GALNT1: variants seen among roughly 807,000 people sequenced by gnomAD.
The protein encoded by GALNT1 is polypeptide N-acetylgalactosaminyltransferase 1, also known as GalNAc transferase 1.
A neutral mutation model predicts 65.7 loss-of-function variants in GALNT1; 17 were observed. The ratio of observed to expected loss-of-function variants is 0.26; its 90% CI spans 0.18 to 0.39. GALNT1 has a LOEUF of 0.39. Ranked by LOEUF, GALNT1 falls within the 10% of genes least tolerant of loss-of-function variation. GALNT1 has a pLI of 1.00. For synonymous variants in GALNT1, 210 were observed against 219.7 expected, an observed-to-expected ratio of 0.96 and a Z score of 0.39; for missense variants, 460 against 672.8, an observed-to-expected ratio of 0.68 and a Z score of 3.50.
chr18:35,611,364 C>A (rs557532916), intron 1 of GALNT1, among the ~76,000 whole-genome samples: 5 of 152,310 alleles, frequency 3.3e-5, no homozygotes, highest in African/African-American at 1.2e-4. Flanking sequence ...GTTGAACATA[C>A]TGCAGAGACT....
intron 1 of GALNT1, among the ~76,000 whole-genome samples, chr18:35,641,715 C>T (rs2144301158): frequency 6.6e-6 from 1 of 152,238 alleles, no homozygotes. Flanking sequence ...ACACATCCAC[C>T]ACGTGCAGTG....
intron 1 of GALNT1, among the ~76,000 whole-genome samples, chr18:35,616,420 G>A (rs376520834): frequency 1.3e-5 from 2 of 152,212 alleles, no homozygotes; most frequent in Admixed American, 6.5e-5. Context: ...TCAGCACACA[G>A]TAAGTGCTTG....
intron 1 of GALNT1, among the ~76,000 whole-genome samples, chr18:35,618,064 T>A (rs1454017547): frequency 2.6e-5 from 4 of 151,176 alleles, no homozygotes; most frequent in Non-Finnish European, 5.9e-5. Context: ...AGCCAAGCAC[T>A]TAACATGTAT....
intron 3 of GALNT1, among the ~76,000 whole-genome samples, chr18:35,669,262 C>T (rs2047595881): frequency 6.6e-6 from 1 of 152,086 alleles, no homozygotes; most frequent in Admixed American, 6.5e-5. Context: ...AATCTTTACA[C>T]ACAGACATTC....
chr18:35,657,460 G>C (rs567371262), intron 2 of GALNT1, among the ~76,000 whole-genome samples: 74 of 152,302 alleles, frequency 4.9e-4, no homozygotes, highest in Non-Finnish European at 9.0e-4. Context: ...GGTCGAGATG[G>C]AGAAAATAGA....
chr18:35,709,559 C>A, intron 11 of GALNT1, 65 bp from the exon 12 acceptor site: 1 of 1,562,360 alleles, frequency 6.4e-7, no homozygotes, highest in Non-Finnish European at 8.8e-7. Flanking sequence ...AACTTAATCA[C>A]CAAAACTGAT....
chr18:35,593,795 G>A (rs908893976), intron 1 of GALNT1, among the ~76,000 whole-genome samples: 5 of 151,960 alleles, frequency 3.3e-5, no homozygotes, highest in Admixed American at 2.0e-4. Context: ...TGCAACCTCC[G>A]CCTCTCGGGT....
intron 1 of GALNT1, among the ~76,000 whole-genome samples, chr18:35,598,644 G>C (rs1444399352): frequency 3.3e-5 from 5 of 152,126 alleles, no homozygotes; most frequent in Non-Finnish European, 4.4e-5. Context: ...TGGATGCTTA[G>C]GTTGATTCCA....
chr18:35,664,821 T>A (rs1470327741), intron 3 of GALNT1, among the ~76,000 whole-genome samples: 1 of 152,236 alleles, frequency 6.6e-6, no homozygotes, highest in Non-Finnish European at 1.5e-5. Context: ...CTTGCTCTCA[T>A]TGATGCTGGC....
chr18:35,604,705 G>A (rs1172160659), intron 1 of GALNT1, among the ~76,000 whole-genome samples: 1 of 152,142 alleles, frequency 6.6e-6, no homozygotes, highest in African/African-American at 2.4e-5. Flanking sequence ...TTGGCCGTGT[G>A]TATGTCTTCT....
At chr18:35,653,708 A>G (rs1001806009) in intron 1 of GALNT1, among the ~76,000 whole-genome samples, 6 of 152,234 alleles carry the variant, frequency 3.9e-5, no homozygotes, top group Non-Finnish European at 8.8e-5. Context: ...TAAGACACCT[A>G]TGCTCAAACT....
At chr18:35,598,427 T>C (rs1408290750) in intron 1 of GALNT1, among the ~76,000 whole-genome samples, 2 of 152,136 alleles carry the variant, frequency 1.3e-5, no homozygotes, top group African/African-American at 4.8e-5. Context: ...CATTTCACTC[T>C]CTACCTCTGT....
chr18:35,642,963 G>A (rs893044757), intron 1 of GALNT1, among the ~76,000 whole-genome samples: 14 of 151,974 alleles, frequency 9.2e-5, no homozygotes, highest in African/African-American at 2.4e-4. Context: ...CATGTCGGGG[G>A]CAGTGTGACT....
Position 35,687,132 on chromosome 18 carries a change from C to G in GALNT1, c.806C>G (p.Pro269Arg), listed in dbSNP as rs764325416. 1 of 1,613,892 alleles carries G rather than the reference C, an allele frequency of 6.2e-7. No individual in the cohort carries two copies. Residue 269 changes from proline to arginine, a missense_variant, in exon 6 of 12, where the codon CCT becomes CGT. Physicochemically the swap from Pro to Arg is moderately radical, Grantham distance 103. Coordinates refer to ENST00000269195, the MANE Select transcript of GALNT1 (RefSeq NM_020474.4). ...TGGAAGCTCAATTTTCGCTGGTATC[C>G]TGTTCCCCAAAGAGAAATGGACAGA... ...FNWKLNFRWY[P>R]VPQREMDRRK...
intron 1 of GALNT1, among the ~76,000 whole-genome samples, chr18:35,591,056 C>G (rs2046437786): frequency 6.6e-6 from 1 of 152,152 alleles, no homozygotes; most frequent in South Asian, 2.1e-4. Flanking sequence ...GGTCTCTGAT[C>G]TGAAACCTGT....
intron 1 of GALNT1, among the ~76,000 whole-genome samples, chr18:35,639,678 A>G (rs2047136581): frequency 6.6e-6 from 1 of 151,980 alleles, no homozygotes; most frequent in African/African-American, 2.4e-5. Context: ...TTTATTTTAG[A>G]CTTCTCTTGA....
intron 9 of GALNT1, among the ~76,000 whole-genome samples, chr18:35,692,819 A>G (rs548366517): frequency 1.3e-5 from 2 of 152,202 alleles, no homozygotes; most frequent in Non-Finnish European, 2.9e-5. Context: ...GCAAATGATG[A>G]TATGTGTAGA....
chr18:35,663,540 C>G, intron 2 of GALNT1, 88 bp from the exon 3 acceptor site: 1 of 1,357,042 alleles, frequency 7.4e-7, no homozygotes, highest in East Asian at 2.4e-5. Context: ...GTTGAGGGCA[C>G]AGTTCAAACA....
intron 9 of GALNT1, among the ~76,000 whole-genome samples, chr18:35,699,589 G>A (rs889523652): frequency 6.6e-6 from 1 of 152,150 alleles, no homozygotes; most frequent in Non-Finnish European, 1.5e-5. Context: ...TGAAGAGTGG[G>A]AGACTCCAGA....
Sources: allele counts gnomAD v4.1 joint callset (sites outside exome capture counted in the v4.1 genomes callset), GRCh38; gene constraint gnomAD v4.1.1; transcripts MANE v1.5; gene names NCBI Gene and HGNC (gene_info 2026-07-23, HGNC 2026-07-21).